PREX2: variants seen among roughly 807,000 people sequenced by gnomAD.
The protein encoded by PREX2 is phosphatidylinositol 3,4,5-trisphosphate-dependent Rac exchanger 2 protein.
A neutral mutation model predicts 203.2 loss-of-function variants in PREX2; 107 were observed. That is an observed-to-expected ratio of 0.53 (90% CI 0.45 to 0.62). The LOEUF (loss-of-function observed/expected upper bound fraction) is 0.62. PREX2 is among the 20% of genes least tolerant of loss of function. The pLI, the probability that PREX2 is intolerant of heterozygous loss-of-function variation, is 0.00. For missense variants in PREX2, 1,777 were observed against 1,955.9 expected (o/e 0.91, Z 1.72); for synonymous variants, 672 against 663.6 (o/e 1.01, Z -0.19).
At chr8:68,023,284 C>T (rs944719262) in intron 4 of PREX2, among the ~76,000 whole-genome samples, 1 of 152,196 alleles carries the variant, frequency 6.6e-6, no homozygotes, top group African/African-American at 2.4e-5. Context: ...TCTTTGCCAA[C>T]ACTTGGCATT....
At chr8:67,988,478 G>T (rs577838628) in intron 1 of PREX2, among the ~76,000 whole-genome samples, 2 of 152,168 alleles carry the variant, frequency 1.3e-5, no homozygotes, top group African/African-American at 4.8e-5. Flanking sequence ...GGGAAGCCAG[G>T]CATCCACCGA....
chr8:68,168,701 T>C (rs929353749), intron 35 of PREX2, among the ~76,000 whole-genome samples: 4 of 152,214 alleles, frequency 2.6e-5, no homozygotes, highest in Non-Finnish European at 4.4e-5. Flanking sequence ...TACTCCTAAA[T>C]TGCTTTTGGG....
chr8:68,183,151 G>A (rs1477236914), intron 35 of PREX2, among the ~76,000 whole-genome samples: 1 of 151,992 alleles, frequency 6.6e-6, no homozygotes, highest in Non-Finnish European at 1.5e-5. Context: ...TTAAAGCAAG[G>A]TAATGAAATG....
chr8:67,978,029 T>TAGCTGGTTGATC (rs1806157847), intron 1 of PREX2, among the ~76,000 whole-genome samples: 1 of 152,188 alleles, frequency 6.6e-6, no homozygotes, highest in Non-Finnish European at 1.5e-5. Flanking sequence ...CCCCGGTTTT[T>TAGCTGGTTGATC]AGCTGGTTGA....
chr8:68,199,547 G>A (rs1203003582), intron 37 of PREX2, among the ~76,000 whole-genome samples: 3 of 152,112 alleles, frequency 2.0e-5, no homozygotes, highest in Non-Finnish European at 1.5e-5. Context: ...ATAAGCCTTT[G>A]TTAAAAAAGT....
intron 37 of PREX2, among the ~76,000 whole-genome samples, chr8:68,216,041 T>C (rs1428001650): frequency 2.0e-5 from 3 of 152,234 alleles, no homozygotes; most frequent in Non-Finnish European, 4.4e-5. Context: ...TTCTCTGTAA[T>C]GAGAAAGCTG....
Position 68,167,907 on chromosome 8 carries a change from A to G in PREX2, c.4346+10471A>G, listed in dbSNP as rs371285795. ...CTTAAAATATGATCCCGAGACAAGC[A>G]TCATCTGTATCATCTGCAGACTTGC... On this transcript the variant is annotated intron_variant, in intron 35 of 39. Transcript: ENST00000288368. 7.9e-5 allele frequency among the ~76,000 whole-genome samples: 12 copies of G among 152,312 alleles called. No individual in the cohort carries two copies. In the East Asian group the frequency reaches 1.2e-3, roughly 15 times the overall value.
At chr8:68,176,397 G>T (rs547357428) in intron 35 of PREX2, among the ~76,000 whole-genome samples, 51 of 148,906 alleles carry the variant, frequency 3.4e-4, no homozygotes, top group African/African-American at 1.2e-3. Context: ...CTGCAGTGGG[G>T]TGAGTGAGAA....
rs117383918 is a variant in PREX2 at position 68,161,108 on chromosome 8, G to A, written c.4346+3672G>A. Among the ~76,000 whole-genome samples the A allele has an allele frequency of 2.7e-5, 4 of 148,272 alleles. No homozygotes were observed. In the South Asian group the frequency reaches 8.6e-4, roughly 32 times the overall value. ...TTCTTTCTTTCTTTCTTTTTTTTTG[G>A]GGGGGGGACAGAGTCTCCCTTTGTT... On this transcript the variant is annotated intron_variant, in intron 35 of 39. Coordinates refer to ENST00000288368, the MANE Select transcript of PREX2 (RefSeq NM_024870.4).
At chr8:68,109,860 T>C (rs529222485) in intron 25 of PREX2, among the ~76,000 whole-genome samples, 1 of 152,296 alleles carries the variant, frequency 6.6e-6, no homozygotes, top group East Asian at 1.9e-4. Context: ...AATTCTGTCT[T>C]ATACAAGGAT....
chr8:68,146,564 A>G (rs768048298), intron 34 of PREX2, among the ~76,000 whole-genome samples: 4 of 152,222 alleles, frequency 2.6e-5, no homozygotes, highest in Non-Finnish European at 5.9e-5. Context: ...TAGTGGAGAA[A>G]TAAGACATGA....
intron 35 of PREX2, among the ~76,000 whole-genome samples, chr8:68,159,859 C>T (rs1310003621): frequency 6.6e-6 from 1 of 151,922 alleles, no homozygotes; most frequent in East Asian, 1.9e-4. Flanking sequence ...CAAATAGTTC[C>T]CAAATTTTGG....
Position 68,234,744 on chromosome 8 carries a change from CT to C in PREX2, c.*3368del, listed in dbSNP as rs1315395348. 2.0e-5 allele frequency: 3 copies of C among 151,986 alleles called. No homozygotes were observed. The highest frequency in any genetic ancestry group is 6.6e-5 in the Admixed American group (1 of 15,236). The allele number at this position is 151,986 out of a possible 1,614,324, so 9.4% of individuals were successfully genotyped here. On this transcript the variant is annotated 3_prime_UTR_variant, in exon 40 of 40. Coordinates refer to ENST00000288368, the MANE Select transcript of PREX2 (RefSeq NM_024870.4). ...TCTTTAAAACACATTCTTCTGGTGG[CT>C]TGGGTTCATTGTGCATTCATTGGCC...
intron 35 of PREX2, among the ~76,000 whole-genome samples, chr8:68,161,105 T>TG (rs1811643954): frequency 1.3e-5 from 2 of 152,070 alleles, no homozygotes; most frequent in South Asian, 2.1e-4. Context: ...TTCTTTTTTT[T>TG]TGGGGGGGGG....
chr8:68,120,409 C>A, intron 29 of PREX2, 123 bp downstream of exon 29: 1 of 654,338 alleles, frequency 1.5e-6, no homozygotes, highest in Non-Finnish European at 2.7e-6. Context: ...TCATAATTCA[C>A]CAAACACTAC....
intron 1 of PREX2, among the ~76,000 whole-genome samples, chr8:67,957,083 G>A (rs906491781): frequency 4.4e-4 from 67 of 152,114 alleles, no homozygotes; most frequent in African/African-American, 1.5e-3. Context: ...CTGTTATTTT[G>A]CTGATGCTAC....
chr8:68,065,261 GT>G (rs1285405242), intron 11 of PREX2, among the ~76,000 whole-genome samples: 2 of 152,178 alleles, frequency 1.3e-5, no homozygotes, highest in African/African-American at 4.8e-5. Context: ...AACTTCTTGA[GT>G]TTTGGAATAT....
intron 8 of PREX2, among the ~76,000 whole-genome samples, chr8:68,044,902 A>G (rs1585733016): frequency 1.3e-5 from 2 of 151,856 alleles, no homozygotes; most frequent in African/African-American, 4.8e-5. Context: ...TAATGAATGA[A>G]TTTTCTTTAG....
In PREX2 at chr8:68,047,488, T is replaced by TATATATATATATAC. The variant is rs1554570849; in HGVS notation, c.943+2911_943+2912insCATATATATATATA. 7.6e-4 allele frequency among the ~76,000 whole-genome samples: 84 copies of TATATATATATATAC among 110,356 alleles called. 1 individual carries two copies. Among genetic ancestry groups the TATATATATATATAC allele is most frequent in the African/African-American group, 4.0e-3 (79 of 19,558 alleles). The allele number at this position is 110,356 out of a possible 152,430, so 72.4% of individuals were successfully genotyped here. ...ATGAATTTATATATATATATATATATATATATATATATATATATACACATA... is the reference window on the plus strand; with the variant it reads ...ATGAATTTATATATATATATATATATATATATATATATACATATATATATATATATATACACATA... On this transcript the variant is annotated intron_variant, in intron 8 of 39. Coordinates refer to ENST00000288368, the MANE Select transcript of PREX2 (RefSeq NM_024870.4).
Sources: gnomAD v4.1 joint callset for allele counts (sites outside exome capture counted in the v4.1 genomes callset) on GRCh38, gnomAD v4.1.1 for gene constraint, MANE v1.5 for transcripts, NCBI Gene and HGNC (gene_info 2026-07-23, HGNC 2026-07-21) for gene names.